Variants in CALCR observed in about 807,000 individuals in gnomAD.
CALCR encodes calcitonin receptor.
In CALCR, 47 loss-of-function variants were observed where a neutral mutation model predicts 59.5. The ratio of observed to expected loss-of-function variants is 0.79; its 90% confidence interval spans 0.63 to 1.01. CALCR has a LOEUF of 1.01. CALCR is among the 50% of genes least tolerant of loss of function. The pLI, the probability that CALCR is intolerant of heterozygous loss-of-function variation, is 0.00. For missense variants in CALCR, 566 were observed against 597.1 expected, an observed-to-expected ratio of 0.95 and a Z score of 0.54; for synonymous variants, 213 against 211.3, an observed-to-expected ratio of 1.01 and a Z score of -0.07.
chr7:93,486,073 G>A (rs1800937524), intron 3 of CALCR, among the ~76,000 whole-genome samples: 1 of 151,554 alleles, frequency 6.6e-6, no homozygotes, highest in Non-Finnish European at 1.5e-5. Flanking sequence ...CGAACCCTAT[G>A]CAAGCTTTGT....
chr7:93,434,604 A>AAAC (rs1179113127), intron 12 of CALCR, among the ~76,000 whole-genome samples: 1 of 151,992 alleles, frequency 6.6e-6, no homozygotes, highest in Admixed American at 6.5e-5. Context: ...GAAAAAAAAA[A>AAAC]ACTACACTTA....
At chr7:93,493,634 C>T (rs1801133527) in intron 2 of CALCR, among the ~76,000 whole-genome samples, 1 of 151,302 alleles carries the variant, frequency 6.6e-6, no homozygotes, top group Non-Finnish European at 1.5e-5. Context: ...TAGCAATTCC[C>T]TACAAACTTT....
At chr7:93,514,868 C>A (rs1001440171) in intron 2 of CALCR, among the ~76,000 whole-genome samples, 7 of 151,912 alleles carry the variant, frequency 4.6e-5, no homozygotes, top group Middle Eastern at 3.4e-3. Flanking sequence ...GGTAGCAGAG[C>A]AAATAAGTAG....
chr7:93,499,709 G>A (rs1382242602), intron 2 of CALCR, among the ~76,000 whole-genome samples: 1 of 151,674 alleles, frequency 6.6e-6, no homozygotes, highest in African/African-American at 2.4e-5. Context: ...TTGGTGCTTG[G>A]TTTTGAAAGT....
chr7:93,535,554 C>T (rs1401932167), intron 2 of CALCR, among the ~76,000 whole-genome samples: 1 of 151,786 alleles, frequency 6.6e-6, no homozygotes, highest in African/African-American at 2.4e-5. Flanking sequence ...GACACTATTA[C>T]TTCTATGAAT....
chr7:93,550,472 G>C (rs1021871985), intron 2 of CALCR, among the ~76,000 whole-genome samples: 3 of 77,580 alleles, frequency 3.9e-5, no homozygotes, highest in African/African-American at 1.6e-4. Context: ...TGGGCAACAA[G>C]AGTAAAACTC....
chr7:93,472,901 CCTTT>C (rs1275170783), intron 5 of CALCR, among the ~76,000 whole-genome samples: 2 of 151,752 alleles, frequency 1.3e-5, no homozygotes, highest in South Asian at 2.1e-4. Context: ...CAAGAACATA[CCTTT>C]CTTTATTTAC....
chr7:93,571,388 T>C (rs1236892450), intron 2 of CALCR, among the ~76,000 whole-genome samples: 1 of 152,146 alleles, frequency 6.6e-6, no homozygotes, highest in African/African-American at 2.4e-5. Flanking sequence ...TTTTTTTGAA[T>C]GAATGACATT....
intron 2 of CALCR, among the ~76,000 whole-genome samples, chr7:93,568,077 G>C (rs889874600): frequency 6.6e-6 from 1 of 151,700 alleles, no homozygotes; most frequent in Non-Finnish European, 1.5e-5. Flanking sequence ...ATACTACATG[G>C]GTATTTAATA....
At chr7:93,519,325 T>C (rs1357203264) in intron 2 of CALCR, among the ~76,000 whole-genome samples, 1 of 152,094 alleles carries the variant, frequency 6.6e-6, no homozygotes, top group East Asian at 1.9e-4. Context: ...TTAATTACAA[T>C]AATTTTATAG....
chr7:93,564,250 TG>T (rs894159313), intron 2 of CALCR, among the ~76,000 whole-genome samples: 4 of 151,322 alleles, frequency 2.6e-5, no homozygotes, highest in Non-Finnish European at 5.9e-5. Context: ...GGTGAATGTG[TG>T]GGGGGGGACA....
chr7:93,550,437 G>A (rs376657668), intron 2 of CALCR, among the ~76,000 whole-genome samples: 2 of 133,334 alleles, frequency 1.5e-5, no homozygotes, highest in African/African-American at 5.8e-5. Flanking sequence ...GCAGTGAGCC[G>A]AGATCATGCC....
At chr7:93,565,497 A>G (rs958952140) in intron 2 of CALCR, among the ~76,000 whole-genome samples, 35 of 152,220 alleles carry the variant, frequency 2.3e-4, no homozygotes, top group African/African-American at 8.4e-4. Context: ...TAACACATCT[A>G]ATTTGAAGAA....
intron 2 of CALCR, among the ~76,000 whole-genome samples, chr7:93,519,976 T>C (rs1801727769): frequency 6.6e-6 from 1 of 152,058 alleles, no homozygotes; most frequent in Non-Finnish European, 1.5e-5. Context: ...TGGGAAATTC[T>C]TTATAGCAGT....
chr7:93,532,683 G>C (rs1788870683), intron 2 of CALCR, among the ~76,000 whole-genome samples: 1 of 151,734 alleles, frequency 6.6e-6, no homozygotes, highest in Non-Finnish European at 1.5e-5. Context: ...CACCTGGTTA[G>C]GTTTCGGAAG....
chr7:93,465,311 T>C (rs1265385977), intron 7 of CALCR, among the ~76,000 whole-genome samples: 1 of 151,972 alleles, frequency 6.6e-6, no homozygotes, highest in Non-Finnish European at 1.5e-5. Context: ...TAAATGTCCA[T>C]TTATGTGTCT....
intron 8 of CALCR, among the ~76,000 whole-genome samples, chr7:93,455,324 T>C (rs1194855351): frequency 6.6e-6 from 1 of 152,036 alleles, no homozygotes; most frequent in Admixed American, 6.6e-5. Context: ...CGTTCTCATA[T>C]TAGTTGCAAT....
chr7:93,486,887 G>T, intron 3 of CALCR, 44 bp downstream of exon 3: 1 of 1,120,334 alleles, frequency 8.9e-7, no homozygotes, highest in Non-Finnish European at 1.4e-6. Context: ...TCCTTATTCA[G>T]CATTCTTCAT....
At chr7:93,445,253 T>C (rs1173983624) in intron 8 of CALCR, among the ~76,000 whole-genome samples, 2 of 152,088 alleles carry the variant, frequency 1.3e-5, no homozygotes, top group East Asian at 3.9e-4. Context: ...ATAATGTTAG[T>C]TTTGTATTTT....
Sources: gnomAD v4.1 joint callset for allele counts (sites outside exome capture counted in the v4.1 genomes callset) on GRCh38, gnomAD v4.1.1 for gene constraint, MANE v1.5 for transcripts, NCBI Gene and HGNC (gene_info 2026-07-23, HGNC 2026-07-21) for gene names.